Variants in CASK observed in about 807,000 individuals in gnomAD.
CASK encodes peripheral plasma membrane protein CASK.
In CASK, 4 loss-of-function variants were observed where a neutral mutation model predicts 82.9. That is an observed-to-expected ratio of 0.05 (90% CI 0.02 to 0.11). The LOEUF is 0.11. CASK is among the 10% of genes least tolerant of loss of function. The pLI is 1.00. For synonymous variants in CASK, 259 were observed against 253.5 expected, an observed-to-expected ratio of 1.02 and a Z score of -0.20; for missense variants, 358 against 720.9, an observed-to-expected ratio of 0.50 and a Z score of 5.76.
At chrX:41,752,064 A>C (rs2068802841) in intron 3 of CASK, among the ~76,000 whole-genome samples, 3 of 105,584 alleles carry the variant, frequency 2.8e-5, no homozygotes, top group South Asian at 4.3e-4. Context: ...AAAAAAAAAA[A>C]CACAAAAAAA....
At chrX:41,830,201 T>C (rs2070765670) in intron 2 of CASK, among the ~76,000 whole-genome samples, 1 of 109,168 alleles carries the variant, frequency 9.2e-6, no homozygotes, top group South Asian at 4.0e-4. Context: ...GGTCTCACTA[T>C]GTTGCCCAGG....
intron 11 of CASK, among the ~76,000 whole-genome samples, chrX:41,612,674 C>T (rs1452476122): frequency 1.5e-3 from 133 of 86,779 alleles, no homozygotes; most frequent in African/African-American, 4.2e-3. Context: ...GACCCCCGCC[C>T]GGCCAGCCGC....
chrX:41,535,877 T>C (rs920315358), intron 22 of CASK, among the ~76,000 whole-genome samples: 1 of 112,246 alleles, frequency 8.9e-6, no homozygotes, highest in Non-Finnish European at 1.9e-5. Flanking sequence ...CCCATTCCTG[T>C]TGAAATTCAA....
intron 1 of CASK, among the ~76,000 whole-genome samples, chrX:41,879,176 G>A (rs965467343): frequency 9.0e-6 from 1 of 110,725 alleles, no homozygotes; most frequent in Non-Finnish European, 1.9e-5. Context: ...TGTAAGAAAT[G>A]GTATGCATCA....
chrX:41,803,809 CTGA>C (rs1219058729), intron 2 of CASK, among the ~76,000 whole-genome samples: 1 of 111,436 alleles, frequency 9.0e-6, no homozygotes, highest in Non-Finnish European at 1.9e-5. Context: ...AAGGCAATAA[CTGA>C]TGATATCTGA....
intron 1 of CASK, among the ~76,000 whole-genome samples, chrX:41,892,967 A>G (rs1183406141): frequency 8.9e-6 from 1 of 112,285 alleles, no homozygotes; most frequent in Non-Finnish European, 1.9e-5. Context: ...AAGTCCAACA[A>G]CAGGGGAAAT....
At position 41,878,263 on chromosome X, in the gene CASK, A is replaced by G. The variant is rs1332904912; in HGVS notation, c.60-25036T>C. ...AAACTATGTGTGTATTTAGGGAAGTAAAGGAAGACAAAGGTTTTCAAAGAT... is the reference window on the plus strand; with the variant it reads ...AAACTATGTGTGTATTTAGGGAAGTGAAGGAAGACAAAGGTTTTCAAAGAT... On this transcript the variant is annotated intron_variant, in intron 1 of 26. Transcript: ENST00000378163. Among the ~76,000 whole-genome samples, 6 of 111,298 alleles carry G rather than the reference A, an allele frequency of 5.4e-5. No individual in the cohort carries two copies. The Admixed American group carries it at 5.7e-4, about 11-fold the overall frequency.
chrX:41,649,915 C>T (rs1030477980), intron 8 of CASK, among the ~76,000 whole-genome samples: 7 of 111,220 alleles, frequency 6.3e-5, no homozygotes, highest in Non-Finnish European at 1.1e-4. Context: ...TAAGGACCTG[C>T]TTTTTGAATC....
intron 1 of CASK, among the ~76,000 whole-genome samples, chrX:41,890,892 CTTTTTTT>C (rs35528568): frequency 2.1e-5 from 2 of 96,859 alleles, no homozygotes; most frequent in Middle Eastern, 4.7e-3. Flanking sequence ...ACTATAATTT[CTTTTTTT>C]TTTTTTTTGA....
intron 10 of CASK, among the ~76,000 whole-genome samples, chrX:41,623,410 ACT>A (rs886616923): frequency 2.7e-5 from 3 of 111,378 alleles, no homozygotes; most frequent in African/African-American, 9.8e-5. Context: ...ATAGAGTATT[ACT>A]CTTTTTATTT....
At chrX:41,864,963 C>CA (rs774486232) in intron 1 of CASK, among the ~76,000 whole-genome samples, 12 of 111,593 alleles carry the variant, frequency 1.1e-4, no homozygotes, top group Admixed American at 4.7e-4. Context: ...GGTCTAAAGA[C>CA]ATAAAGTAGA....
At chrX:41,641,781 C>A (rs2066659586) in intron 8 of CASK, among the ~76,000 whole-genome samples, 2 of 110,231 alleles carry the variant, frequency 1.8e-5, no homozygotes, top group Admixed American at 1.9e-4. Context: ...TTCTAGGGTA[C>A]ATGTGCACAA....
chrX:41,570,010 C>CTTTTTTTTTTTTTTTTTTTTTT (rs397937722), intron 15 of CASK, among the ~76,000 whole-genome samples: 1 of 70,628 alleles, frequency 1.4e-5, no homozygotes, highest in Non-Finnish European at 2.6e-5. Flanking sequence ...TTTCTTTTTT[C>CTTTTTTTTTTTTTTTTTTTTTT]TTTTTTTTTT....
chrX:41,751,656 C>T lies in CASK; in HGVS notation c.279-6055G>A, dbSNP rs536315922. ...CTAAGAGGTTAAGGCTCTGATGAAA[C>T]ACCCTTTGCTCCTGGCTGGGACCAT... On this transcript the variant is annotated intron_variant, in intron 3 of 26. Coordinates refer to ENST00000378163, the MANE Select transcript of CASK (RefSeq NM_001367721.1). Among the ~76,000 whole-genome samples the T allele has an allele frequency of 1.0e-4, 11 of 110,488 alleles. No individual in the cohort carries two copies. The South Asian group carries it at 4.3e-3, about 43-fold the overall frequency.
In CASK at chrX:41,631,345, C is replaced by A. The variant is rs191645413; in HGVS notation, c.916-4642G>T. ...TGGTGGCTCACACTTGTAATCCCAG[C>A]ACTTTGGGAGGCCAAGGTGGGAGGA... On this transcript the variant is annotated intron_variant, in intron 9 of 26. Transcript: ENST00000378163. Among the ~76,000 whole-genome samples, 370 of 112,004 alleles carry A rather than the reference C, an allele frequency of 3.3e-3. 3 individuals carry two copies. The highest frequency in any genetic ancestry group is 4.8e-3 in the Non-Finnish European group (257 of 53,166).
At chrX:41,830,994 T>G (rs1414516966) in intron 2 of CASK, among the ~76,000 whole-genome samples, 1 of 110,643 alleles carries the variant, frequency 9.0e-6, no homozygotes, top group East Asian at 2.8e-4. Context: ...ACTGTCACAC[T>G]GTTCTCTTAT....
intron 1 of CASK, among the ~76,000 whole-genome samples, chrX:41,910,436 T>G (rs2148084037): frequency 8.9e-6 from 1 of 111,874 alleles, no homozygotes; most frequent in Admixed American, 9.5e-5. Context: ...AAATCCCTTT[T>G]TCCTAGTAAC....
In CASK at chrX:41,687,042, T is replaced by C. The variant is rs762092080; in HGVS notation, c.430-15512A>G. Among the ~76,000 whole-genome samples the C allele has an allele frequency of 8.0e-5, 9 of 112,164 alleles. No homozygotes were observed. The South Asian group carries it at 1.9e-3, about 23-fold the overall frequency. On this transcript the variant is annotated intron_variant, in intron 5 of 26. Transcript: ENST00000378163. ...TACTCAAATCTGGTGGTAGCTGTGCTGACTCACATTGAGGAGAAAATGTGG... is the reference window on the plus strand; with the variant it reads ...TACTCAAATCTGGTGGTAGCTGTGCCGACTCACATTGAGGAGAAAATGTGG...
At position 41,829,734 on chromosome X, in the gene CASK, T is replaced by TACATAC. The variant is rs1265245044; in HGVS notation, c.172+23380_172+23381insGTATGT. On this transcript the variant is annotated intron_variant, in intron 2 of 26. Transcript: ENST00000378163. ...ATATATATATATATATATATATATA[T>TACATAC]ATATATATATATATATATATATGTC... is the stretch of plus-strand genomic sequence containing the variant. Among the ~76,000 whole-genome samples the TACATAC allele has an allele frequency of 4.7e-4, 14 of 29,675 alleles. 1 individual carries two copies. The highest frequency in any genetic ancestry group is 9.0e-4 in the Non-Finnish European group (14 of 15,577). The allele number at this position is 29,675 out of a possible 115,157, so 25.8% of individuals were successfully genotyped here.
Sources: gnomAD v4.1 joint callset for allele counts (sites outside exome capture counted in the v4.1 genomes callset) on GRCh38, gnomAD v4.1.1 for gene constraint, MANE v1.5 for transcripts, NCBI Gene and HGNC (gene_info 2026-07-23, HGNC 2026-07-21) for gene names.